Variants in CDH12 observed in about 807,000 individuals in gnomAD.
CDH12 encodes the protein cadherin 12.
In CDH12, 41 loss-of-function variants were observed where a neutral mutation model predicts 74.1. The ratio of observed to expected loss-of-function variants is 0.55; its 90% confidence interval spans 0.43 to 0.72. The LOEUF is 0.72. Ranked by LOEUF, CDH12 falls within the 30% of genes least tolerant of loss-of-function variation. The pLI is 0.00. For missense variants in CDH12, 945 were observed against 977.2 expected, an observed-to-expected ratio of 0.97 and a Z score of 0.44; for synonymous variants, 399 against 355.0, an observed-to-expected ratio of 1.12 and a Z score of -1.39.
At chr5:21,917,819 T>C (rs942486749) in intron 6 of CDH12, among the ~76,000 whole-genome samples, 4 of 152,184 alleles carry the variant, frequency 2.6e-5, no homozygotes, top group African/African-American at 7.2e-5. Context: ...ATGCAAATTA[T>C]TTATGGTTGG....
intron 8 of CDH12, among the ~76,000 whole-genome samples, chr5:21,833,528 ATATAT>A (rs1299934173): frequency 1.1e-5 from 1 of 90,206 alleles, no homozygotes; most frequent in Non-Finnish European, 2.0e-5. Flanking sequence ...GTGATATGTC[ATATAT>A]TATATGTAAT....
At chr5:21,990,943 A>G (rs1489266456) in intron 5 of CDH12, among the ~76,000 whole-genome samples, 1 of 151,900 alleles carries the variant, frequency 6.6e-6, no homozygotes, top group Non-Finnish European at 1.5e-5. Context: ...AGAAAAAAAA[A>G]AAAACTTTTG....
At chr5:22,754,320 C>T (rs1005522799) in intron 1 of CDH12, among the ~76,000 whole-genome samples, 2 of 152,142 alleles carry the variant, frequency 1.3e-5, no homozygotes, top group Admixed American at 6.5e-5. Flanking sequence ...GGAGCCTGTT[C>T]TAAGTACTGG....
At chr5:22,761,641 T>C (rs1362437979) in intron 1 of CDH12, among the ~76,000 whole-genome samples, 1 of 152,176 alleles carries the variant, frequency 6.6e-6, no homozygotes, top group Non-Finnish European at 1.5e-5. Context: ...ACTGTTTGAT[T>C]CAAGAAATTT....
chr5:22,825,764 G>A (rs1217367915), intron 1 of CDH12, among the ~76,000 whole-genome samples: 2 of 152,152 alleles, frequency 1.3e-5, no homozygotes, highest in African/African-American at 4.8e-5. Flanking sequence ...CTTGTGTAGT[G>A]ATATGACCCA....
At position 21,751,566 on chromosome 5, in the gene CDH12, G is replaced by T; in HGVS notation, c.*171C>A. On this transcript the variant is annotated 3_prime_UTR_variant, in exon 15 of 15. Coordinates refer to ENST00000382254, the MANE Select transcript of CDH12 (RefSeq NM_004061.5). ...CAAAACTGACAATATGATTAATTTA[G>T]TAACTTACTAGAAACCAGGTAATCA... is the stretch of plus-strand genomic sequence containing the variant. The T allele has an allele frequency of 1.6e-6, 1 of 608,312 alleles. No homozygotes were observed. The highest frequency in any genetic ancestry group is 2.8e-6 in the Non-Finnish European group (1 of 351,912). The allele number at this position is 608,312 out of a possible 1,614,324, so 37.7% of individuals were successfully genotyped here.
At chr5:22,265,274 C>T (rs1753664650) in intron 3 of CDH12, among the ~76,000 whole-genome samples, 1 of 152,188 alleles carries the variant, frequency 6.6e-6, no homozygotes, top group African/African-American at 2.4e-5. Context: ...ACATGTACTA[C>T]TTTTAAGCAG....
intron 4 of CDH12, among the ~76,000 whole-genome samples, chr5:22,187,467 T>C (rs71609279): frequency 0.37 from 55,614 of 151,180 alleles, 11,801 homozygotes; most frequent in East Asian, 0.73. Context: ...ACCATAACTG[T>C]GGCCATTTAA....
At chr5:21,814,435 G>T (rs1747931105) in intron 9 of CDH12, among the ~76,000 whole-genome samples, 1 of 151,680 alleles carries the variant, frequency 6.6e-6, no homozygotes, top group South Asian at 2.1e-4. Context: ...TACTTTCAAA[G>T]ATTAATATGT....
intron 4 of CDH12, among the ~76,000 whole-genome samples, chr5:22,125,973 T>TA (rs1554013064): frequency 7.1e-5 from 10 of 140,328 alleles, no homozygotes; most frequent in Admixed American, 4.4e-4. Flanking sequence ...TTTTTTTTTT[T>TA]AAATCTATTG....
intron 5 of CDH12, among the ~76,000 whole-genome samples, chr5:22,042,536 A>T (rs1739642093): frequency 6.6e-6 from 1 of 152,174 alleles, no homozygotes; most frequent in African/African-American, 2.4e-5. Context: ...CAAACTGGAA[A>T]ACCTAGAACA....
At chr5:22,622,103 A>G (rs193000850) in intron 1 of CDH12, among the ~76,000 whole-genome samples, 1 of 152,326 alleles carries the variant, frequency 6.6e-6, no homozygotes, top group East Asian at 1.9e-4. Flanking sequence ...TATATCTATT[A>G]CAAATCAATC....
At chr5:21,823,466 C>A (rs1258714668) in intron 8 of CDH12, among the ~76,000 whole-genome samples, 1 of 152,040 alleles carries the variant, frequency 6.6e-6, no homozygotes, top group Non-Finnish European at 1.5e-5. Context: ...TTTGTTGCTG[C>A]AATTTGGCAA....
chr5:22,614,494 T>C (rs1003280928), intron 1 of CDH12, among the ~76,000 whole-genome samples: 1 of 151,840 alleles, frequency 6.6e-6, no homozygotes, highest in Admixed American at 6.6e-5. Context: ...ATTGCAATGG[T>C]CGTAAGGTGC....
At position 22,707,696 on chromosome 5, in the gene CDH12, A is replaced by G. The variant is rs185811793; in HGVS notation, c.-523+145362T>C. ...GACATATGGAATATTTTGTCTATTT[A>G]CTCTGGCTCAAATCTGAAATCAAAT... is the stretch of plus-strand genomic sequence containing the variant. On this transcript the variant is annotated intron_variant, in intron 1 of 14. Transcript: ENST00000382254. 2.2e-3 allele frequency among the ~76,000 whole-genome samples: 333 copies of G among 152,274 alleles called. 1 individual carries two copies. Among genetic ancestry groups the G allele is most frequent in the African/African-American group, 7.4e-3 (306 of 41,568 alleles).
chr5:21,753,689 AAT>A (rs1434234803), intron 14 of CDH12, among the ~76,000 whole-genome samples: 1 of 152,162 alleles, frequency 6.6e-6, no homozygotes, highest in African/African-American at 2.4e-5. Flanking sequence ...AAAGAGTGTC[AAT>A]ATACACTGCT....
chr5:22,001,302 TC>T (rs1339636953), intron 5 of CDH12, among the ~76,000 whole-genome samples: 1 of 146,842 alleles, frequency 6.8e-6, no homozygotes, highest in Non-Finnish European at 1.5e-5. Context: ...CGATATCCCG[TC>T]CCCCTCCTCC....
intron 5 of CDH12, among the ~76,000 whole-genome samples, chr5:22,052,472 G>A (rs1740441462): frequency 6.6e-6 from 1 of 152,064 alleles, no homozygotes. Flanking sequence ...TTAAGCACTT[G>A]TGTAGAGGCA....
chr5:21,804,470 G>A (rs1747314691), intron 9 of CDH12, among the ~76,000 whole-genome samples: 1 of 152,024 alleles, frequency 6.6e-6, no homozygotes, highest in Non-Finnish European at 1.5e-5. Context: ...CCAAGGCAAG[G>A]AAAGACACAC....
Sources: allele counts gnomAD v4.1 joint callset (sites outside exome capture counted in the v4.1 genomes callset), GRCh38; gene constraint gnomAD v4.1.1; transcripts MANE v1.5; gene names NCBI Gene and HGNC (gene_info 2026-07-23, HGNC 2026-07-21).